Variants in SNX11 observed in about 807,000 individuals in gnomAD.
The protein encoded by SNX11 is sorting nexin-11.
A neutral mutation model predicts 30.7 loss-of-function variants in SNX11; 19 were observed. The ratio of observed to expected loss-of-function variants is 0.62; its 90% confidence interval spans 0.43 to 0.91. SNX11 has a LOEUF of 0.91. SNX11 is among the 40% of genes least tolerant of loss of function. SNX11 has a pLI of 0.00. For missense variants in SNX11, 302 were observed against 326.7 expected, an observed-to-expected ratio of 0.92 and a Z score of 0.58; for synonymous variants, 112 against 119.0, an observed-to-expected ratio of 0.94 and a Z score of 0.38.
chr17:48,113,387 A>C lies in SNX11; in HGVS notation c.216A>C (p.Arg72Ser). 6.2e-7 allele frequency: 1 copy of C among 1,613,440 alleles called. No homozygotes were observed. Among genetic ancestry groups the C allele is most frequent in the Non-Finnish European group, 8.5e-7 (1 of 1,179,568 alleles). Reference protein sequence around the residue: ...EFVWLRKQLQRNAGLVPVPEL... With the variant: ...EFVWLRKQLQSNAGLVPVPEL... ...TGTGGCTGAGAAAGCAGCTACAGAG[A>C]AATGCTGGTTTGGTGTGAGTTTGCT... The change falls in exon 4 of 7, where the codon AGA becomes AGC. Residue 72 changes from arginine to serine, a missense_variant. By Grantham distance (110) the Arg-to-Ser change is moderately radical. Coordinates refer to ENST00000359238, the MANE Select transcript of SNX11 (RefSeq NM_013323.3).
At chr17:48,117,326 C>G (rs1410662982) in intron 4 of SNX11, among the ~76,000 whole-genome samples, 1 of 150,826 alleles carries the variant, frequency 6.6e-6, no homozygotes, top group Non-Finnish European at 1.5e-5. Context: ...ACAATCTCAG[C>G]TCACTGCAAG....
chr17:48,121,088 C>T (rs1356983889), intron 6 of SNX11, 147 bp from the exon 7 acceptor site: 1 of 791,860 alleles, frequency 1.3e-6, no homozygotes, highest in Non-Finnish European at 2.0e-6. Flanking sequence ...AAGGCTCAAG[C>T]AATCTTCTGG....
intron 1 of SNX11, among the ~76,000 whole-genome samples, chr17:48,111,404 T>C (rs1420146259): frequency 6.6e-6 from 1 of 152,052 alleles, no homozygotes; most frequent in Non-Finnish European, 1.5e-5. Context: ...TCCCAGCACT[T>C]TGGGAGGCCG....
chr17:48,118,792 C>T lies in SNX11; in HGVS notation c.319C>T (p.Leu107Phe), dbSNP rs1319027412. The T allele has an allele frequency of 6.2e-7, 1 of 1,613,702 alleles. No individual in the cohort carries two copies. Among genetic ancestry groups the T allele is most frequent in the East Asian group, 2.2e-5 (1 of 44,864 alleles). The part of the protein sequence containing the change: ...EKRRQGLQHF[L>F]EKVLQSVVLL... ...GCGACGACAAGGTCTGCAGCACTTC[C>T]TTGAAAAGTGAGTGGACAGAACGGC... Residue 107 changes from leucine to phenylalanine, a missense_variant, in exon 5 of 7, where the codon CTT becomes TTT. By Grantham distance (22) the Leu-to-Phe change is conservative. Transcript: ENST00000359238.
At chr17:48,114,044 T>C (rs1391274897) in intron 4 of SNX11, among the ~76,000 whole-genome samples, 2 of 151,226 alleles carry the variant, frequency 1.3e-5, no homozygotes, top group African/African-American at 4.9e-5. Flanking sequence ...TTAGTAGAGG[T>C]GGGGTTTGTC....
chr17:48,121,622 T>A lies in SNX11; in HGVS notation c.*114T>A. ...GGCTGGGCTGCTTAGTGTCTTCTAG[T>A]CACCTCTGCTTGGGCTGATTGACAG... On this transcript the variant is annotated 3_prime_UTR_variant, in exon 7 of 7. Transcript: ENST00000359238. 9.0e-7 allele frequency: 1 copy of A among 1,113,906 alleles called. No individual in the cohort carries two copies. The allele number at this position is 1,113,906 out of a possible 1,614,324, so 69.0% of individuals were successfully genotyped here.
At chr17:48,119,331 C>G in intron 6 of SNX11, 145 bp downstream of exon 6, 1 of 672,118 alleles carries the variant, frequency 1.5e-6, no homozygotes, top group South Asian at 1.8e-5. Context: ...GGCTTTCTAT[C>G]CAGGTGGGTC....
chr17:48,114,691 T>TTC (rs1168685642), intron 4 of SNX11, among the ~76,000 whole-genome samples: 1 of 147,866 alleles, frequency 6.8e-6, no homozygotes, highest in East Asian at 2.0e-4. Context: ...TTGCTTTTTT[T>TTC]TTTTTTTTTT....
chr17:48,111,147 C>T (rs1341536315), intron 1 of SNX11: 22 of 985,106 alleles, frequency 2.2e-5, no homozygotes, highest in East Asian at 1.1e-4. Context: ...ACAATTGGCT[C>T]GGGTTCCAGA....
intron 1 of SNX11, among the ~76,000 whole-genome samples, chr17:48,108,773 C>T (rs544784143): frequency 6.6e-6 from 1 of 152,300 alleles, no homozygotes; most frequent in East Asian, 1.9e-4. Flanking sequence ...ATCCATCTCC[C>T]AGATCAGAGA....
At chr17:48,110,328 T>C (rs1327261446) in intron 1 of SNX11, among the ~76,000 whole-genome samples, 1 of 152,212 alleles carries the variant, frequency 6.6e-6, no homozygotes, top group Non-Finnish European at 1.5e-5. Context: ...TTTAAGATGG[T>C]ACTGAAATCA....
At chr17:48,111,332 G>C (rs1472576734) in intron 1 of SNX11, among the ~76,000 whole-genome samples, 1 of 152,090 alleles carries the variant, frequency 6.6e-6, no homozygotes, top group African/African-American at 2.4e-5. Context: ...GCCGGGAGGG[G>C]GTGCTGTTAG....
rs571874916 is a variant in SNX11, at chr17:48,116,044, G to C, written c.230+2643G>C. ...GGAGGCTGAGGCAGGTGGATCATGA[G>C]GTCAGGAGTTCAAGACCAGCCTGGC... On this transcript the variant is annotated intron_variant, in intron 4 of 6. Coordinates refer to ENST00000359238, the MANE Select transcript of SNX11 (RefSeq NM_013323.3). Among the ~76,000 whole-genome samples, 21 of 151,812 alleles carry C rather than the reference G, an allele frequency of 1.4e-4. No individual in the cohort carries two copies. The South Asian group carries it at 1.9e-3, about 14-fold the overall frequency.
intron 6 of SNX11, 30 bp downstream of exon 6, chr17:48,119,216 G>A (rs1232890793): frequency 1.9e-6 from 3 of 1,547,106 alleles, no homozygotes; most frequent in African/African-American, 2.7e-5. Context: ...AGATAGCAGG[G>A]GCTAGGTTTG....
chr17:48,121,720 T>G lies in SNX11; in HGVS notation c.*212T>G, dbSNP rs1016801231. ...TGTGCAGATGTTTGTAAGTTAAACA[T>G]AAGACACAGGGGCTGTTGCTTTTGA... On this transcript the variant is annotated 3_prime_UTR_variant, in exon 7 of 7. Transcript: ENST00000359238. 1.0e-5 allele frequency: 6 copies of G among 572,282 alleles called. No individual in the cohort carries two copies. Among genetic ancestry groups the G allele is most frequent in the South Asian group, 2.3e-5 (1 of 44,094 alleles). 35.5% of individuals were successfully genotyped at this position (572,282 alleles called of 1,614,324 possible).
rs746820189 is a variant in SNX11 at position 48,112,648 on chromosome 17, G to A, written c.117G>A (p.Lys39=). The change falls in exon 3 of 7, where the codon AAG becomes AAA. Residue 39 remains lysine, a synonymous_variant. Transcript: ENST00000359238. ...EGSWNSYVDY[K]IFLHTNSKAF... ...CCTGGAACTCTTATGTGGATTATAA[G>A]ATATTCCTCCATGTGAGTACATCAA... 4 of 1,610,210 alleles carry A rather than the reference G, an allele frequency of 2.5e-6. No individual in the cohort carries two copies. Among genetic ancestry groups the A allele is most frequent in the Admixed American group, 1.7e-5 (1 of 59,930 alleles).
rs756941704 is a variant in SNX11 at position 48,121,458 on chromosome 17, C to G, written c.763C>G (p.His255Asp). 6.2e-7 allele frequency: 1 copy of G among 1,614,100 alleles called. No homozygotes were observed. The highest frequency in any genetic ancestry group is 8.5e-7 in the Non-Finnish European group (1 of 1,180,034). ...TGTGAGGAGGGCTGTGGGAGGAGAT[C>G]ATGCTGTGCCTTTGGACCCTGGTCA... ...QSVRRAVGGD[H>D]AVPLDPGQLE... The change falls in exon 7 of 7, where the codon CAT becomes GAT. Residue 255 changes from histidine to aspartate, a missense_variant. Physicochemically the swap from His to Asp is moderately conservative, Grantham distance 81. Coordinates refer to ENST00000359238, the MANE Select transcript of SNX11 (RefSeq NM_013323.3).
At chr17:48,109,734 C>T (rs949910742) in intron 1 of SNX11, among the ~76,000 whole-genome samples, 4 of 151,936 alleles carry the variant, frequency 2.6e-5, no homozygotes, top group Admixed American at 6.6e-5. Context: ...CCTGCCACCA[C>T]GCCCGCTAAT....
chr17:48,118,740 C>T lies in SNX11; in HGVS notation c.267C>T (p.Phe89=), dbSNP rs766261666. The change falls in exon 5 of 7, where the codon TTC becomes TTT. Residue 89 remains phenylalanine, a synonymous_variant. Transcript: ENST00000359238. ...AACTTCCTGGGAAGTCAACCTTCTT[C>T]GGCACCTCAGATGAGTTCATTGAGA... ...VPELPGKSTF[F]GTSDEFIEKR... The T allele has an allele frequency of 1.1e-5, 17 of 1,614,028 alleles. No homozygotes were observed. Among genetic ancestry groups the T allele is most frequent in the East Asian group, 8.9e-5 (4 of 44,872 alleles).
Sources: gnomAD v4.1 joint callset for allele counts (sites outside exome capture counted in the v4.1 genomes callset) on GRCh38, gnomAD v4.1.1 for gene constraint, MANE v1.5 for transcripts, NCBI Gene and HGNC (gene_info 2026-07-23, HGNC 2026-07-21) for gene names.